HEPHL1: variants seen among roughly 807,000 people sequenced by gnomAD.
HEPHL1 encodes the protein ferroxidase HEPHL1.
A neutral mutation model predicts 122.0 loss-of-function variants in HEPHL1; 123 were observed. The observed-to-expected ratio is 1.01, with a 90% CI of 0.87 to 1.17. The LOEUF is 1.17. Ranked by LOEUF, HEPHL1 falls within the 50% of genes most tolerant of loss-of-function variation. The pLI is 0.00. For missense variants in HEPHL1, 1,452 were observed against 1,430.5 expected (o/e 1.01, Z -0.24); for synonymous variants, 527 against 508.9 (o/e 1.04, Z -0.48).
intron 1 of HEPHL1, among the ~76,000 whole-genome samples, chr11:94,035,806 G>A (rs1945715664): frequency 6.6e-6 from 1 of 152,062 alleles, no homozygotes; most frequent in Non-Finnish European, 1.5e-5. Flanking sequence ...GCGCGATCTC[G>A]GCTCACTGCA....
chr11:94,056,476 T>C (rs1485650106), intron 2 of HEPHL1, among the ~76,000 whole-genome samples: 1 of 152,168 alleles, frequency 6.6e-6, no homozygotes, highest in Admixed American at 6.5e-5. Flanking sequence ...TTTCTTAGAA[T>C]AATGTTTTAA....
intron 1 of HEPHL1, among the ~76,000 whole-genome samples, chr11:94,036,838 CAAAAAAAAAAA>C (rs71305380): frequency 3.9e-5 from 4 of 103,878 alleles, no homozygotes; most frequent in Non-Finnish European, 7.7e-5. Context: ...GACTCCGTCT[CAAAAAAAAAAA>C]AAAAAAAAGG....
intron 11 of HEPHL1, among the ~76,000 whole-genome samples, chr11:94,087,131 C>T (rs1181970521): frequency 6.6e-6 from 1 of 152,040 alleles, no homozygotes. Flanking sequence ...TCCTAGTGTC[C>T]AGTCTCTGTA....
In HEPHL1 at chr11:94,093,555, G is replaced by A; in HGVS notation, c.2349G>A (p.Lys783=). 6.2e-7 allele frequency: 1 copy of A among 1,613,852 alleles called. No homozygotes were observed. Among genetic ancestry groups the A allele is most frequent in the Non-Finnish European group, 8.5e-7 (1 of 1,179,838 alleles). The part of the protein sequence containing the change: ...RTENWIGSQY[K]KVVYREYTDG... ...AAAATTGGATTGGCTCTCAGTACAA[G>A]AAGGTGGTTTACAGGGAATATACGG... Residue 783 remains lysine (K), a synonymous_variant, in exon 13 of 20, where the codon AAG becomes AAA. Transcript: ENST00000315765.
intron 1 of HEPHL1, among the ~76,000 whole-genome samples, chr11:94,028,839 T>G (rs568237452): frequency 7.9e-5 from 12 of 152,342 alleles, no homozygotes; most frequent in African/African-American, 2.9e-4. Flanking sequence ...TTGGGCAAAT[T>G]TGCATTTTAT....
chr11:94,075,266 C>A lies in HEPHL1; in HGVS notation c.1597C>A (p.Pro533Thr). The A allele has an allele frequency of 6.2e-7, 1 of 1,613,496 alleles. No homozygotes were observed. The highest frequency in any genetic ancestry group is 1.3e-5 in the African/African-American group (1 of 75,014). Reference protein sequence around the residue: ...PESVSPTAGDPPCLTYLYFSA... With the variant: ...PESVSPTAGDTPCLTYLYFSA... ...GAGCGTAAGCCCAACTGCTGGTGAT[C>A]CTCCCTGTCTGACCTATCTTTACTT... Residue 533 changes from proline (P) to threonine (T), a missense_variant, in exon 9 of 20, where the codon CCT becomes ACT. Physicochemically the swap from Pro to Thr is conservative, Grantham distance 38. Transcript: ENST00000315765.
chr11:94,059,808 A>G (rs1945969817), intron 2 of HEPHL1, among the ~76,000 whole-genome samples: 2 of 152,014 alleles, frequency 1.3e-5, no homozygotes, highest in African/African-American at 4.8e-5. Context: ...ATAGCCTTCA[A>G]TAACTCCTAA....
chr11:94,106,547 G>A lies in HEPHL1; in HGVS notation c.3045+417G>A, dbSNP rs373735485. Among the ~76,000 whole-genome samples the A allele has an allele frequency of 5.3e-5, 8 of 151,782 alleles. No individual in the cohort carries two copies. The South Asian group carries it at 8.4e-4, about 16-fold the overall frequency. ...CCTGACCTCGTGATCTGCCCGCCTC[G>A]GCCTCCCACAGTGCTGAGATTACAG... On this transcript the variant is annotated intron_variant, in intron 17 of 19. Coordinates refer to ENST00000315765, the MANE Select transcript of HEPHL1 (RefSeq NM_001098672.2).
chr11:94,107,767 C>A (rs549437782), intron 17 of HEPHL1, among the ~76,000 whole-genome samples: 104 of 152,250 alleles, frequency 6.8e-4, no homozygotes, highest in African/African-American at 2.4e-3. Context: ...GGATATAATG[C>A]AGTTTGTTTA....
intron 9 of HEPHL1, among the ~76,000 whole-genome samples, chr11:94,081,717 G>T (rs561928684): frequency 6.6e-6 from 1 of 152,154 alleles, no homozygotes; most frequent in South Asian, 2.1e-4. Flanking sequence ...GGTGATGCAG[G>T]TACAGAGAGG....
At chr11:94,094,334 T>C (rs1208458811) in intron 13 of HEPHL1, among the ~76,000 whole-genome samples, 1 of 152,026 alleles carries the variant, frequency 6.6e-6, no homozygotes, top group African/African-American at 2.4e-5. Context: ...GAACTCATCA[T>C]TTTTTATGGC....
At chr11:94,023,039 A>C (rs1390423193) in intron 1 of HEPHL1, among the ~76,000 whole-genome samples, 1 of 152,204 alleles carries the variant, frequency 6.6e-6, no homozygotes, top group Non-Finnish European at 1.5e-5. Flanking sequence ...ATTCTGACCC[A>C]AAAATTCTAT....
intron 2 of HEPHL1, chr11:94,055,279 C>A: frequency 3.5e-6 from 1 of 287,012 alleles, no homozygotes; most frequent in Non-Finnish European, 6.9e-6. Context: ...TGTTGAGCCA[C>A]CTGTTTCACT....
intron 4 of HEPHL1, 98 bp from the exon 5 acceptor site, chr11:94,067,398 C>T: frequency 8.4e-7 from 1 of 1,183,648 alleles, no homozygotes. Flanking sequence ...ATGGTCTGCA[C>T]TGGTTTTCCA....
At chr11:94,057,007 A>T (rs1945943295) in intron 2 of HEPHL1, among the ~76,000 whole-genome samples, 1 of 152,034 alleles carries the variant, frequency 6.6e-6, no homozygotes, top group African/African-American at 2.4e-5. Flanking sequence ...TTTAGTTTTG[A>T]GGGATCGTTT....
intron 17 of HEPHL1, among the ~76,000 whole-genome samples, chr11:94,107,635 C>A (rs1429956283): frequency 1.3e-5 from 2 of 152,178 alleles, no homozygotes; most frequent in African/African-American, 4.8e-5. Context: ...ATGTGGAAAT[C>A]ATAGGTTGTA....
In HEPHL1 at chr11:94,042,803, C is replaced by A. The variant is rs529922133; in HGVS notation, c.171-2870C>A. ...TGACGAGTTAGTGGGTGCAGCGCAC[C>A]AGCATGGCACATGTATACATATGTA... On this transcript the variant is annotated intron_variant, in intron 1 of 19. Coordinates refer to ENST00000315765, the MANE Select transcript of HEPHL1 (RefSeq NM_001098672.2). 7.3e-5 allele frequency among the ~76,000 whole-genome samples: 10 copies of A among 136,200 alleles called. No individual in the cohort carries two copies. In the Admixed American group the frequency reaches 8.1e-4, roughly 11 times the overall value. 89.4% of individuals were successfully genotyped at this position (136,200 alleles called of 152,430 possible).
chr11:94,026,152 A>G (rs544541134), intron 1 of HEPHL1, among the ~76,000 whole-genome samples: 1 of 152,332 alleles, frequency 6.6e-6, no homozygotes, highest in South Asian at 2.1e-4. Context: ...AAGCACATTC[A>G]TGGTCACAAG....
intron 14 of HEPHL1, among the ~76,000 whole-genome samples, chr11:94,102,486 C>G (rs1490942083): frequency 6.6e-6 from 1 of 152,168 alleles, no homozygotes; most frequent in Non-Finnish European, 1.5e-5. Flanking sequence ...TCTCTGATTT[C>G]ACTGTCTGGG....
Sources: gnomAD v4.1 joint callset for allele counts (sites outside exome capture counted in the v4.1 genomes callset) on GRCh38, gnomAD v4.1.1 for gene constraint, MANE v1.5 for transcripts, NCBI Gene and HGNC (gene_info 2026-07-23, HGNC 2026-07-21) for gene names.